The following EIF4A2 variants were observed in gnomAD, a reference collection of about 807,000 sequenced individuals.
EIF4A2 encodes the protein eukaryotic initiation factor 4A-II.
A neutral mutation model predicts 50.6 loss-of-function variants in EIF4A2; 9 were observed. That is an observed-to-expected ratio of 0.18 (90% CI 0.11 to 0.31). The LOEUF is 0.31. Among genes scored for constraint, EIF4A2 ranks in the 10% least tolerant of loss-of-function variants. EIF4A2 has a pLI of 1.00. For synonymous variants in EIF4A2, 215 were observed against 164.4 expected (o/e 1.31, Z -2.35); for missense variants, 182 against 501.8 (o/e 0.36, Z 6.09).
chr3:186,784,015 G>A (rs1377468466), intron 1 of EIF4A2: 3 of 426,034 alleles, frequency 7.0e-6, no homozygotes. Flanking sequence ...AGGGTCCTAG[G>A]CTTTACTTGG....
intron 3 of EIF4A2, 56 bp downstream of exon 3, chr3:186,784,752 G>A (rs1721589908): frequency 6.2e-7 from 1 of 1,610,110 alleles, no homozygotes; most frequent in South Asian, 1.1e-5. Flanking sequence ...AACCATAAAA[G>A]GGAAAGTAAC....
chr3:186,788,756 A>T (rs1279743315), intron 10 of EIF4A2: 4 of 238,768 alleles, frequency 1.7e-5, no homozygotes, highest in Non-Finnish European at 3.3e-5. Flanking sequence ...GAAATGGATT[A>T]CATAACTGCT....
At chr3:186,787,455 C>G (rs1038119877) in intron 8 of EIF4A2, 40 bp from the exon 9 acceptor site, 1 of 1,611,988 alleles carries the variant, frequency 6.2e-7, no homozygotes, top group East Asian at 2.2e-5. Flanking sequence ...AAATACCGAC[C>G]TGACTGGTGA....
intron 7 of EIF4A2, 159 bp from the exon 8 acceptor site, chr3:186,786,968 C>T (rs1011088217): frequency 3.5e-6 from 4 of 1,154,384 alleles, no homozygotes; most frequent in South Asian, 1.5e-5. Flanking sequence ...GTTTCACTTT[C>T]TTGAAACCCT....
At chr3:186,788,826 TTGGTA>T (rs2108463162) in intron 10 of EIF4A2, 1 of 305,810 alleles carries the variant, frequency 3.3e-6, no homozygotes, top group Admixed American at 4.8e-5. Context: ...CTGGCCCACT[TTGGTA>T]TGGGCTTTAA....
At chr3:186,787,660 C>T in intron 9 of EIF4A2, 76 bp downstream of exon 9, 1 of 1,596,190 alleles carries the variant, frequency 6.3e-7, no homozygotes, top group Non-Finnish European at 8.6e-7. Context: ...TAACCTTTGC[C>T]AACTTGGGCT....
chr3:186,784,422 T>C lies in EIF4A2; in HGVS notation c.30-10T>C. 1 of 1,614,196 alleles carries C rather than the reference T, an allele frequency of 6.2e-7. No homozygotes were observed. The highest frequency in any genetic ancestry group is 8.5e-7 in the Non-Finnish European group (1 of 1,180,030). ...GAAGGGGTGTCTGACTGCAGTATTC[T>C]TGTCAGCAGAGAACATGGCGGCCCA... On this transcript the variant is annotated splice_polypyrimidine_tract_variant and intron_variant, in intron 1 of 10. Transcript: ENST00000323963.
intron 6 of EIF4A2, 102 bp from the exon 7 acceptor site, chr3:186,786,400 T>C: frequency 3.9e-6 from 6 of 1,543,318 alleles, no homozygotes; most frequent in Non-Finnish European, 5.3e-6. Flanking sequence ...CATAACTCTG[T>C]CTACCTTCAT....
Position 186,789,881 on chromosome 3 carries a change from T to G in EIF4A2, c.*612T>G. The G allele has an allele frequency of 1.2e-6, 1 of 824,162 alleles. No individual in the cohort carries two copies. Among genetic ancestry groups the G allele is most frequent in the Non-Finnish European group, 1.9e-6 (1 of 515,444 alleles). 51.1% of individuals were successfully genotyped at this position (824,162 alleles called of 1,614,324 possible). ...AATGAAGTTTGAATGTTAAATAAAT[T>G]GTATATTCACTTTAAAGGTGCTTTT... On this transcript the variant is annotated 3_prime_UTR_variant, in exon 11 of 11. Coordinates refer to ENST00000323963, the MANE Select transcript of EIF4A2 (RefSeq NM_001967.4).
At chr3:186,787,376 A>G (rs1164501756) in intron 8 of EIF4A2, 112 bp downstream of exon 8, 12 of 1,609,476 alleles carry the variant, frequency 7.5e-6, no homozygotes, top group Non-Finnish European at 1.0e-5. Context: ...GTTGTTTCTT[A>G]ACTATACCTG....
At chr3:186,786,413 C>T (rs886531983) in intron 6 of EIF4A2, 89 bp from the exon 7 acceptor site, 13 of 1,548,262 alleles carry the variant, frequency 8.4e-6, no homozygotes, top group Admixed American at 3.8e-5. Flanking sequence ...ACCTTCATTC[C>T]GTAGTAAGAC....
rs762239801 is a variant in EIF4A2, at chr3:186,783,655, G to C, written c.29+16G>C. On this transcript the variant is annotated intron_variant, in intron 1 of 10. Coordinates refer to ENST00000323963, the MANE Select transcript of EIF4A2 (RefSeq NM_001967.4). ...ATTATAACAGGTATGCAGTCTGTTG[G>C]CGGTCGCGGTCTGTAGTGAAGGTCA... is the stretch of plus-strand genomic sequence containing the variant. 2.5e-6 allele frequency: 4 copies of C among 1,614,144 alleles called. No individual in the cohort carries two copies. The South Asian group carries it at 4.4e-5, about 18-fold the overall frequency.
At chr3:186,785,180 T>C (rs1252710286) in intron 4 of EIF4A2, 79 bp downstream of exon 4, 2 of 1,569,560 alleles carry the variant, frequency 1.3e-6, no homozygotes, top group East Asian at 4.5e-5. Flanking sequence ...AATTTAAAAC[T>C]TAGTATAAAT....
chr3:186,785,179 C>G (rs1460896139), intron 4 of EIF4A2, 78 bp downstream of exon 4: 1 of 1,575,920 alleles, frequency 6.3e-7, no homozygotes, highest in Non-Finnish European at 8.6e-7. Context: ...GAATTTAAAA[C>G]TTAGTATAAA....
chr3:186,787,460 T>C lies in EIF4A2; in HGVS notation c.910-35T>C, dbSNP rs779199755. The C allele has an allele frequency of 2.5e-6, 4 of 1,612,026 alleles. No individual in the cohort carries two copies. The South Asian group carries it at 3.3e-5, about 13-fold the overall frequency. On this transcript the variant is annotated intron_variant, in intron 8 of 10. Transcript: ENST00000323963. ...GATTAAAATTAAATACCGACCTGAC[T>C]GGTGATTCTTGAATTAAGGTTTATT...
intron 4 of EIF4A2, 144 bp from the exon 5 acceptor site, chr3:186,785,739 G>T (rs1017402056): frequency 4.3e-5 from 45 of 1,037,902 alleles, no homozygotes; most frequent in Non-Finnish European, 5.7e-5. Flanking sequence ...CAGTTAGGTC[G>T]TCTGCATTTT....
Position 186,786,282 on chromosome 3 carries a change from T to A in EIF4A2, c.627+9T>A. On this transcript the variant is annotated intron_variant, in intron 6 of 10. Transcript: ENST00000323963. The stretch of plus-strand genomic sequence containing the variant: ...TAAACACAAGTATTCAGGTAAGCAT[T>A]ACTTCACCCCCCTCTTAAAGGTAGA... 1 of 1,608,730 alleles carries A rather than the reference T, an allele frequency of 6.2e-7. No homozygotes were observed.
chr3:186,786,347 T>TGAC, intron 6 of EIF4A2, 74 bp downstream of exon 6: 1 of 1,521,492 alleles, frequency 6.6e-7, no homozygotes, highest in East Asian at 2.3e-5. Flanking sequence ...ACAATACAAC[T>TGAC]GATGTGTTTT....
chr3:186,786,895 G>A (rs372868802), intron 7 of EIF4A2: 170 of 882,742 alleles, frequency 1.9e-4, no homozygotes, highest in Non-Finnish European at 3.0e-4. Flanking sequence ...TAATTTCTAC[G>A]TTTTGAGACT....
Sources: gnomAD v4.1 joint callset for allele counts on GRCh38, gnomAD v4.1.1 for gene constraint, MANE v1.5 for transcripts, NCBI Gene and HGNC (gene_info 2026-07-23, HGNC 2026-07-21) for gene names.